The following NEK10 variants were observed in gnomAD, a reference collection of about 807,000 sequenced individuals.
NEK10 encodes NIMA related kinase 10.
Under a neutral mutation model 159.8 loss-of-function variants are expected in NEK10, and 122 were observed. That is an observed-to-expected ratio of 0.76 (90% CI 0.66 to 0.89). NEK10 has a LOEUF of 0.89. NEK10 is among the 40% of genes least tolerant of loss of function. The pLI is 0.00. For synonymous variants in NEK10, 466 were observed against 457.1 expected, an observed-to-expected ratio of 1.02 and a Z score of -0.25; for missense variants, 1,342 against 1,323.1, an observed-to-expected ratio of 1.01 and a Z score of -0.22.
At chr3:27,364,203 T>C (rs1483684868) in intron 1 of NEK10, among the ~76,000 whole-genome samples, 2 of 152,052 alleles carry the variant, frequency 1.3e-5, no homozygotes, top group Non-Finnish European at 2.9e-5. Context: ...AGATGGAGTT[T>C]TGCTCTTGTC....
chr3:27,137,206 T>C (rs1290551963), intron 31 of NEK10, among the ~76,000 whole-genome samples: 3 of 152,190 alleles, frequency 2.0e-5, no homozygotes, highest in Non-Finnish European at 4.4e-5. Flanking sequence ...TCACGATAGT[T>C]ATATTTGAAC....
At chr3:27,118,498 G>C (rs1940820356) in intron 33 of NEK10, among the ~76,000 whole-genome samples, 5 of 152,208 alleles carry the variant, frequency 3.3e-5, no homozygotes, top group Admixed American at 2.6e-4. Context: ...AGTACTGGTG[G>C]CTCATCTTTA....
intron 23 of NEK10, among the ~76,000 whole-genome samples, chr3:27,239,953 T>C (rs1324543187): frequency 2.0e-5 from 3 of 152,204 alleles, no homozygotes; most frequent in Non-Finnish European, 4.4e-5. Context: ...TGAGAGTCTT[T>C]TTCTCCCTCA....
intron 23 of NEK10, among the ~76,000 whole-genome samples, chr3:27,242,360 C>A (rs997784068): frequency 1.3e-5 from 2 of 152,188 alleles, no homozygotes; most frequent in African/African-American, 4.8e-5. Flanking sequence ...TCCATCCATC[C>A]TTCCATCCAT....
At chr3:27,121,656 G>T (rs1011417721) in intron 32 of NEK10, among the ~76,000 whole-genome samples, 1 of 152,188 alleles carries the variant, frequency 6.6e-6, no homozygotes, top group Non-Finnish European at 1.5e-5. Context: ...ACGTGGAAAT[G>T]TAAGTCCAAT....
intron 22 of NEK10, among the ~76,000 whole-genome samples, chr3:27,260,021 T>G (rs894823466): frequency 6.6e-5 from 10 of 152,140 alleles, no homozygotes; most frequent in Non-Finnish European, 1.3e-4. Context: ...CTCTATGTTT[T>G]TCTGTTATTG....
At chr3:27,308,059 A>G (rs1040793848) in intron 10 of NEK10, 114 bp from the exon 11 acceptor site, 1 of 602,790 alleles carries the variant, frequency 1.7e-6, no homozygotes, top group African/African-American at 1.9e-5. Flanking sequence ...TTTATAAAGG[A>G]AAGAGGTTTA....
chr3:27,140,511 A>G (rs1426053068), intron 31 of NEK10, among the ~76,000 whole-genome samples: 1 of 152,218 alleles, frequency 6.6e-6, no homozygotes. Flanking sequence ...GAGTCTTATC[A>G]TGTTACTGTG....
At chr3:27,177,702 C>T (rs1240186331) in intron 26 of NEK10, among the ~76,000 whole-genome samples, 1 of 152,088 alleles carries the variant, frequency 6.6e-6, no homozygotes, top group Non-Finnish European at 1.5e-5. Context: ...ATTTGAGTAT[C>T]CAACTCTTTA....
At chr3:27,345,976 G>T in intron 4 of NEK10, 110 bp downstream of exon 4, 2 of 704,298 alleles carry the variant, frequency 2.8e-6, no homozygotes, top group Non-Finnish European at 4.4e-6. Flanking sequence ...GAATCGCTAT[G>T]GTAAATTTTG....
In NEK10 at chr3:27,192,229, C is replaced by T. The variant is rs763785423; in HGVS notation, c.2305G>A (p.Asp769Asn). Residue 769 changes from aspartate (D) to asparagine (N), a missense_variant, in exon 26 of 36, where the codon GAT becomes AAT. Physicochemically the swap from Asp to Asn is conservative, Grantham distance 23. Coordinates refer to ENST00000691995, the MANE Select transcript of NEK10 (RefSeq NM_001394966.1). ...ACAATATCTGGACGAGCTTCCGCAT[C>T]AGGAGTGAGGCACCTAAGATAACAT... ...TDTISRCLTP[D>N]AEARPDIVEV... is the part of the protein sequence containing the mutation. The T allele has an allele frequency of 9.9e-6, 16 of 1,613,522 alleles. No homozygotes were observed. Among genetic ancestry groups the T allele is most frequent in the African/African-American group, 2.7e-5 (2 of 74,900 alleles).
At chr3:27,238,496 T>A (rs1022839000) in intron 23 of NEK10, among the ~76,000 whole-genome samples, 2 of 152,204 alleles carry the variant, frequency 1.3e-5, no homozygotes, top group Admixed American at 6.5e-5. Context: ...TAAACTTTTT[T>A]CAGATTTGAA....
intron 33 of NEK10, among the ~76,000 whole-genome samples, chr3:27,116,474 T>C (rs1940456322): frequency 6.6e-6 from 1 of 152,014 alleles, no homozygotes; most frequent in African/African-American, 2.4e-5. Context: ...GTTTTCTGAT[T>C]AAGAAACTCT....
At chr3:27,114,872 T>C (rs1940156640) in intron 35 of NEK10, among the ~76,000 whole-genome samples, 1 of 152,082 alleles carries the variant, frequency 6.6e-6, no homozygotes, top group South Asian at 2.1e-4. Flanking sequence ...CAGCTATGAG[T>C]AGGCTCCTTA....
At chr3:27,314,033 G>T (rs1276480929) in intron 7 of NEK10, among the ~76,000 whole-genome samples, 1 of 152,050 alleles carries the variant, frequency 6.6e-6, no homozygotes, top group Non-Finnish European at 1.5e-5. Context: ...ATTATTACTA[G>T]CTAAAGACAT....
intron 22 of NEK10, among the ~76,000 whole-genome samples, chr3:27,271,572 T>G (rs1367279332): frequency 6.6e-6 from 1 of 152,184 alleles, no homozygotes; most frequent in Admixed American, 6.5e-5. Context: ...ATGATTTTAT[T>G]CACTCCAGTT....
At chr3:27,327,601 T>C (rs185694616) in intron 5 of NEK10, among the ~76,000 whole-genome samples, 7 of 152,204 alleles carry the variant, frequency 4.6e-5, no homozygotes, top group Admixed American at 3.3e-4. Flanking sequence ...GAAACAAATA[T>C]GTGATGTGAG....
At chr3:27,348,647 C>CT (rs1273950462) in intron 3 of NEK10, among the ~76,000 whole-genome samples, 2 of 152,174 alleles carry the variant, frequency 1.3e-5, no homozygotes, top group Non-Finnish European at 2.9e-5. Flanking sequence ...CTGACAAGCA[C>CT]TTGCCCAGGC....
At chr3:27,179,038 A>T (rs1004452039) in intron 26 of NEK10, among the ~76,000 whole-genome samples, 2 of 152,150 alleles carry the variant, frequency 1.3e-5, no homozygotes, top group African/African-American at 4.8e-5. Context: ...GAGTAGCTGG[A>T]AATACAGAGG....
Sources: gnomAD v4.1 joint callset for allele counts (sites outside exome capture counted in the v4.1 genomes callset) on GRCh38, gnomAD v4.1.1 for gene constraint, MANE v1.5 for transcripts, NCBI Gene and HGNC (gene_info 2026-07-23, HGNC 2026-07-21) for gene names.